Variants in PDE4D observed in about 807,000 individuals in gnomAD.
PDE4D encodes the protein 3',5'-cyclic-AMP phosphodiesterase 4D.
PDE4D carries 24 observed loss-of-function variants against 87.4 expected under a neutral mutation model. The ratio of observed to expected loss-of-function variants is 0.27; its 90% CI spans 0.20 to 0.39. The LOEUF (loss-of-function observed/expected upper bound fraction) is 0.39. Ranked by LOEUF, PDE4D falls within the 10% of genes least tolerant of loss-of-function variation. The pLI is 1.00. For missense variants in PDE4D, 714 were observed against 1,041.0 expected, an observed-to-expected ratio of 0.69 and a Z score of 4.32; for synonymous variants, 384 against 383.2, an observed-to-expected ratio of 1.00 and a Z score of -0.02.
intron 1 of PDE4D, among the ~76,000 whole-genome samples, chr5:59,745,469 C>G (rs1048185245): frequency 2.6e-5 from 4 of 152,180 alleles, no homozygotes; most frequent in African/African-American, 9.6e-5. Context: ...TCTACGTTGG[C>G]AAGAGCGTCA....
intron 1 of PDE4D, among the ~76,000 whole-genome samples, chr5:60,446,487 C>CA (rs1421198752): frequency 6.6e-6 from 1 of 152,098 alleles, no homozygotes; most frequent in Non-Finnish European, 1.5e-5. Flanking sequence ...AAACAGACTT[C>CA]AAAATCATAT....
intron 6 of PDE4D, among the ~76,000 whole-genome samples, chr5:59,022,924 C>T (rs772551098): frequency 6.6e-6 from 1 of 152,148 alleles, no homozygotes; most frequent in Non-Finnish European, 1.5e-5. Flanking sequence ...GCCTGTAATC[C>T]CAACACTTTG....
intron 1 of PDE4D, among the ~76,000 whole-genome samples, chr5:60,193,632 A>T (rs1294307149): frequency 7.4e-6 from 1 of 135,210 alleles, no homozygotes; most frequent in Non-Finnish European, 1.5e-5. Context: ...AGATTGCGCC[A>T]CTGCACTCCA....
intron 1 of PDE4D, among the ~76,000 whole-genome samples, chr5:59,254,506 C>T (rs1341987649): frequency 6.6e-6 from 1 of 151,920 alleles, no homozygotes; most frequent in Non-Finnish European, 1.5e-5. Flanking sequence ...AGTGCTTGTA[C>T]AGCACTAAGC....
chr5:59,408,526 T>C (rs971264055), intron 1 of PDE4D, among the ~76,000 whole-genome samples: 1 of 152,186 alleles, frequency 6.6e-6, no homozygotes, highest in African/African-American at 2.4e-5. Context: ...CCCTGGGGCA[T>C]TGCCTAGTGG....
intron 3 of PDE4D, among the ~76,000 whole-genome samples, chr5:59,945,513 T>G (rs1383026839): frequency 6.6e-6 from 1 of 152,228 alleles, no homozygotes; most frequent in East Asian, 1.9e-4. Flanking sequence ...GAAAATATTT[T>G]ATTTCTATAC....
chr5:59,540,488 A>T (rs1368720000), intron 1 of PDE4D, among the ~76,000 whole-genome samples: 1 of 152,184 alleles, frequency 6.6e-6, no homozygotes, highest in African/African-American at 2.4e-5. Flanking sequence ...TTTTGCCTCA[A>T]TTGTGATTTC....
At chr5:59,280,840 T>C (rs946739476) in intron 1 of PDE4D, among the ~76,000 whole-genome samples, 10 of 151,878 alleles carry the variant, frequency 6.6e-5, no homozygotes, top group African/African-American at 2.4e-4. Flanking sequence ...TTCCAAATGT[T>C]ACTATTTGTA....
At chr5:60,435,554 C>T (rs1368718314) in intron 1 of PDE4D, among the ~76,000 whole-genome samples, 17 of 151,580 alleles carry the variant, frequency 1.1e-4, no homozygotes, top group Admixed American at 1.1e-3. Context: ...GTCTATGGAG[C>T]ATGTAGCTTT....
intron 1 of PDE4D, among the ~76,000 whole-genome samples, chr5:59,636,321 G>C (rs187177886): frequency 1.2e-3 from 190 of 152,240 alleles, no homozygotes; most frequent in African/African-American, 4.4e-3. Flanking sequence ...GTAATTTATA[G>C]ATTCAATGCT....
chr5:59,497,479 T>C (rs1293721604), intron 1 of PDE4D, among the ~76,000 whole-genome samples: 2 of 151,808 alleles, frequency 1.3e-5, no homozygotes, highest in African/African-American at 4.8e-5. Flanking sequence ...AACATAGCTA[T>C]ATTAAGAAAG....
intron 5 of PDE4D, among the ~76,000 whole-genome samples, chr5:59,043,114 G>C (rs1478343978): frequency 6.6e-6 from 1 of 152,064 alleles, no homozygotes; most frequent in Non-Finnish European, 1.5e-5. Context: ...GGACTGTATC[G>C]GCTTGTCATA....
chr5:60,483,022 G>A (rs565807300), intron 1 of PDE4D, among the ~76,000 whole-genome samples: 122 of 152,310 alleles, frequency 8.0e-4, no homozygotes, highest in African/African-American at 2.9e-3. Context: ...CTAGGTTCCT[G>A]TCACAGTTCT....
chr5:59,085,739 T>G (rs1387534080), intron 5 of PDE4D, among the ~76,000 whole-genome samples: 3 of 152,108 alleles, frequency 2.0e-5, no homozygotes, highest in Non-Finnish European at 4.4e-5. Context: ...ATGAAACCAT[T>G]AGAAATAATC....
intron 1 of PDE4D, among the ~76,000 whole-genome samples, chr5:59,226,816 C>A (rs1753873127): frequency 6.6e-6 from 1 of 152,046 alleles, no homozygotes; most frequent in African/African-American, 2.4e-5. Context: ...CATATACATT[C>A]AATCAGAATA....
At chr5:59,127,619 CACCT>C (rs1775633097) in intron 5 of PDE4D, among the ~76,000 whole-genome samples, 4 of 107,776 alleles carry the variant, frequency 3.7e-5, no homozygotes, top group Admixed American at 8.8e-5. Context: ...CCCCACCCCC[CACCT>C]CACCCCCCAC....
intron 1 of PDE4D, among the ~76,000 whole-genome samples, chr5:59,271,551 T>G (rs1763850611): frequency 6.6e-6 from 1 of 152,104 alleles, no homozygotes; most frequent in South Asian, 2.1e-4. Flanking sequence ...TATGAATGCT[T>G]TCCACTGTGA....
rs1327067143 is a variant in PDE4D, at chr5:59,586,589, C to T, written c.455+306579G>A. The T allele has an allele frequency of 2.9e-5, 40 of 1,364,532 alleles. No homozygotes were observed. In the East Asian group the frequency reaches 1.0e-3, roughly 36 times the overall value. 84.5% of individuals were successfully genotyped at this position (1,364,532 alleles called of 1,614,324 possible). On this transcript the variant is annotated intron_variant, in intron 1 of 14. Coordinates refer to ENST00000340635, the MANE Select transcript of PDE4D (RefSeq NM_001104631.2). The stretch of plus-strand genomic sequence containing the variant: ...TTCCAGGATTTGAAAAAAGAAACAT[C>T]ACAGAGCACTGCAGGTATGGGTCCA...
chr5:59,699,726 G>A (rs1248069560), intron 1 of PDE4D, among the ~76,000 whole-genome samples: 3 of 152,100 alleles, frequency 2.0e-5, no homozygotes, highest in African/African-American at 7.2e-5. Context: ...TCATTTTTCT[G>A]ATAAGTACTT....
Sources: gnomAD v4.1 joint callset for allele counts (sites outside exome capture counted in the v4.1 genomes callset) on GRCh38, gnomAD v4.1.1 for gene constraint, MANE v1.5 for transcripts, NCBI Gene and HGNC (gene_info 2026-07-23, HGNC 2026-07-21) for gene names.